Variants in PSMA1 observed in about 807,000 individuals in gnomAD.
PSMA1 encodes the protein proteasome 20S subunit alpha 1.
A neutral mutation model predicts 38.4 loss-of-function variants in PSMA1; 3 were observed. The ratio of observed to expected loss-of-function variants is 0.08; its 90% CI spans 0.04 to 0.20. The LOEUF is 0.20. Ranked by LOEUF, PSMA1 falls within the 10% of genes least tolerant of loss-of-function variation. The pLI is 1.00. For missense variants in PSMA1, 227 were observed against 325.3 expected (o/e 0.70, Z 2.32); for synonymous variants, 101 against 107.1 (o/e 0.94, Z 0.35).
At chr11:14,577,816 GGAT>G (rs1369119171) in intron 2 of PSMA1, among the ~76,000 whole-genome samples, 1 of 152,126 alleles carries the variant, frequency 6.6e-6, no homozygotes, top group East Asian at 1.9e-4. Context: ...ATTGTGTTAA[GGAT>G]GATAAGCCTG....
At chr11:14,530,300 G>A (rs903961866) in intron 2 of PSMA1, among the ~76,000 whole-genome samples, 1 of 152,146 alleles carries the variant, frequency 6.6e-6, no homozygotes, top group Non-Finnish European at 1.5e-5. Context: ...TAGATGGACA[G>A]CTAAGAGTTG....
At chr11:14,624,886 C>T (rs1565061414) in intron 1 of PSMA1, among the ~76,000 whole-genome samples, 2 of 152,146 alleles carry the variant, frequency 1.3e-5, no homozygotes, top group South Asian at 2.1e-4. Context: ...GTTTGGGTCA[C>T]ACCACAAGGT....
chr11:14,587,841 A>G (rs574091964), intron 2 of PSMA1, among the ~76,000 whole-genome samples: 8 of 152,268 alleles, frequency 5.3e-5, no homozygotes, highest in Non-Finnish European at 8.8e-5. Context: ...GGAAGCTACC[A>G]TTATTGATTT....
chr11:14,520,024 G>A (rs573345872), intron 1 of PSMA1: 5 of 576,460 alleles, frequency 8.7e-6, no homozygotes, highest in African/African-American at 7.5e-5. Flanking sequence ...CTCCACTGAA[G>A]GAACCTGAGG....
chr11:14,555,908 A>G (rs1851936563), intron 2 of PSMA1, among the ~76,000 whole-genome samples: 1 of 152,220 alleles, frequency 6.6e-6, no homozygotes, highest in Admixed American at 6.5e-5. Flanking sequence ...ATTAATCACT[A>G]ATTTCTCCCT....
At chr11:14,617,088 T>C (rs1418123449) in intron 1 of PSMA1, among the ~76,000 whole-genome samples, 1 of 152,220 alleles carries the variant, frequency 6.6e-6, no homozygotes, top group Non-Finnish European at 1.5e-5. Flanking sequence ...GGCTGCCTGC[T>C]GAGAGTGGGT....
At chr11:14,571,851 C>T (rs1852145702) in intron 2 of PSMA1, among the ~76,000 whole-genome samples, 1 of 152,024 alleles carries the variant, frequency 6.6e-6, no homozygotes, top group South Asian at 2.1e-4. Flanking sequence ...AAAAAAAAAG[C>T]AGGGTTGCAA....
chr11:14,552,105 G>A (rs1851891725), intron 2 of PSMA1, among the ~76,000 whole-genome samples: 1 of 152,164 alleles, frequency 6.6e-6, no homozygotes, highest in South Asian at 2.1e-4. Flanking sequence ...ATCTTAGAGA[G>A]GAAAGAGGCT....
chr11:14,624,363 T>C (rs1050197701), intron 1 of PSMA1, among the ~76,000 whole-genome samples: 2 of 152,132 alleles, frequency 1.3e-5, no homozygotes, highest in African/African-American at 4.8e-5. Flanking sequence ...GTAGATGACA[T>C]GGGGATCTGA....
intron 1 of PSMA1, among the ~76,000 whole-genome samples, chr11:14,634,466 G>T (rs1853086091): frequency 6.6e-6 from 1 of 151,800 alleles, no homozygotes; most frequent in Non-Finnish European, 1.5e-5. Flanking sequence ...TTTTTTGAAG[G>T]CGAAGATTCC....
At chr11:14,590,316 C>G (rs1203401014) in intron 2 of PSMA1, among the ~76,000 whole-genome samples, 4 of 152,142 alleles carry the variant, frequency 2.6e-5, no homozygotes, top group African/African-American at 7.2e-5. Context: ...GCACATTCAA[C>G]ACGGTTAAGA....
chr11:14,620,000 G>T (rs924244997), intron 1 of PSMA1, among the ~76,000 whole-genome samples: 2 of 152,032 alleles, frequency 1.3e-5, no homozygotes, highest in Non-Finnish European at 2.9e-5. Flanking sequence ...TTTAATTCTC[G>T]TGTACCTAAC....
At chr11:14,605,395 T>A (rs1365151514) in intron 2 of PSMA1, among the ~76,000 whole-genome samples, 2 of 152,134 alleles carry the variant, frequency 1.3e-5, no homozygotes, top group African/African-American at 4.8e-5. Flanking sequence ...AATTTTTTTA[T>A]TTTTTTGAGA....
chr11:14,546,268 C>T (rs560508759), intron 2 of PSMA1, among the ~76,000 whole-genome samples: 33 of 151,874 alleles, frequency 2.2e-4, no homozygotes, highest in South Asian at 1.7e-3. Context: ...TAGGAGTTTC[C>T]AAAGAAAAGA....
intron 1 of PSMA1, among the ~76,000 whole-genome samples, chr11:14,612,943 T>C (rs1207838317): frequency 1.3e-5 from 2 of 152,044 alleles, no homozygotes; most frequent in Non-Finnish European, 2.9e-5. Flanking sequence ...TGATAAAAGA[T>C]GCAGTGTCAA....
chr11:14,633,842 G>A (rs965168723), intron 1 of PSMA1, among the ~76,000 whole-genome samples: 2 of 152,170 alleles, frequency 1.3e-5, no homozygotes, highest in Non-Finnish European at 2.9e-5. Context: ...ATCTCGTGAT[G>A]CGCCGTTTTT....
chr11:14,525,091 A>G (rs547385007), upstream of PSMA1, among the ~76,000 whole-genome samples: 140 of 152,038 alleles, frequency 9.2e-4, 1 homozygote, highest in African/African-American at 3.2e-3. Context: ...CCTTGCCTCC[A>G]TAACTGTTGT....
At chr11:14,632,233 C>G (rs1255223490) in intron 1 of PSMA1, among the ~76,000 whole-genome samples, 6 of 148,710 alleles carry the variant, frequency 4.0e-5, no homozygotes, top group Non-Finnish European at 7.4e-5. Context: ...TTAATTTGCT[C>G]GTTAGTTGAT....
intron 7 of PSMA1, among the ~76,000 whole-genome samples, chr11:14,512,009 G>A (rs1472382295): frequency 2.0e-5 from 3 of 152,190 alleles, no homozygotes; most frequent in Non-Finnish European, 4.4e-5. Flanking sequence ...GTTCACAACA[G>A]CACCAAAAAT....
Sources: allele counts gnomAD v4.1 joint callset (sites outside exome capture counted in the v4.1 genomes callset), GRCh38; gene constraint gnomAD v4.1.1; transcripts MANE v1.5; gene names NCBI Gene and HGNC (gene_info 2026-07-23, HGNC 2026-07-21).